MTAP: variants seen among roughly 807,000 people sequenced by gnomAD.
MTAP encodes the protein methylthioadenosine phosphorylase, also known as S-methyl-5'-thioadenosine phosphorylase.
MTAP carries 33 observed loss-of-function variants against 33.6 expected under a neutral mutation model. That is an observed-to-expected ratio of 0.98 (90% CI 0.74 to 1.31). The LOEUF is 1.31. Among genes scored for constraint, MTAP ranks in the 40% most tolerant of loss-of-function variants. MTAP has a pLI of 0.00. For missense variants in MTAP, 367 were observed against 360.0 expected (o/e 1.02, Z -0.16); for synonymous variants, 148 against 125.7 (o/e 1.18, Z -1.19).
rs74604810 is a variant in MTAP, at chr9:21,876,390, A to G, written c.147+21520A>G. ...AAGTTTAATTAGATCACCCTTGTCA[A>G]TTTTTGCTTTTGTTGTGATAGCTTT... On this transcript the variant is annotated intron_variant, in intron 1 of 1. Transcript: ENST00000577563. Among the ~76,000 whole-genome samples, 861 of 152,040 alleles carry G rather than the reference A, an allele frequency of 5.7e-3. 7 individuals carry two copies. Among genetic ancestry groups the G allele is most frequent in the African/African-American group, 0.02 (810 of 41,450 alleles).
chr9:21,908,438 T>G (rs887535300), intron 1 of MTAP, among the ~76,000 whole-genome samples: 1 of 152,156 alleles, frequency 6.6e-6, no homozygotes, highest in Non-Finnish European at 1.5e-5. Context: ...AGGTTTTTTG[T>G]GTTAAATGTG....
At chr9:21,909,610 A>T (rs187043709) in intron 1 of MTAP, among the ~76,000 whole-genome samples, 9 of 152,282 alleles carry the variant, frequency 5.9e-5, no homozygotes, top group Non-Finnish European at 1.2e-4. Flanking sequence ...TACTAAGCTA[A>T]TAAGTAAGCC....
chr9:21,927,063 G>T (rs1040810908), intron 1 of MTAP, among the ~76,000 whole-genome samples: 5 of 152,146 alleles, frequency 3.3e-5, no homozygotes, highest in Non-Finnish European at 7.4e-5. Flanking sequence ...CTGGGAAAAA[G>T]ATCAGAAGCA....
At chr9:21,928,272 G>A (rs1818899868) in intron 1 of MTAP, among the ~76,000 whole-genome samples, 2 of 152,214 alleles carry the variant, frequency 1.3e-5, no homozygotes, top group South Asian at 2.1e-4. Flanking sequence ...GTAAATGGGT[G>A]TTCAGTGGGA....
At chr9:21,925,154 T>G (rs1484491406) in intron 1 of MTAP, among the ~76,000 whole-genome samples, 1 of 152,184 alleles carries the variant, frequency 6.6e-6, no homozygotes, top group East Asian at 1.9e-4. Flanking sequence ...GTAGAAGGAA[T>G]GAAAGCTAGA....
chr9:21,802,818 G>T, intron 1 of MTAP, 37 bp downstream of exon 1: 1 of 1,611,256 alleles, frequency 6.2e-7, no homozygotes, highest in Non-Finnish European at 8.5e-7. Context: ...GGTTCGCCCT[G>T]CCGGATGCCT....
chr9:21,915,585 G>T (rs1170153345), intron 1 of MTAP, among the ~76,000 whole-genome samples: 1 of 151,920 alleles, frequency 6.6e-6, no homozygotes, highest in South Asian at 2.1e-4. Flanking sequence ...GGAATTACTG[G>T]GCTATATGGT....
downstream of MTAP, chr9:21,933,523 G>A (rs1189778310): frequency 6.6e-6 from 1 of 152,052 alleles, no homozygotes; most frequent in Non-Finnish European, 1.5e-5. Context: ...TCTTTGATAT[G>A]CAAATGCCAG....
At chr9:21,804,770 T>C (rs1003461407) in intron 1 of MTAP, among the ~76,000 whole-genome samples, 1 of 152,204 alleles carries the variant, frequency 6.6e-6, no homozygotes, top group Non-Finnish European at 1.5e-5. Context: ...CAAACCCGTT[T>C]TGCGGGTGTA....
At position 21,862,721 on chromosome 9, in the gene MTAP, A is replaced by G. The variant is rs138936486; in HGVS notation, c.*707A>G. On this transcript the variant is annotated 3_prime_UTR_variant, in exon 8 of 8. Transcript: ENST00000644715. The stretch of plus-strand genomic sequence containing the variant: ...ACACGGTTGCTCTATATATGAAGTG[A>G]AAAAAGGATATGGTAGCATTTTATA... 2.7e-3 allele frequency: 432 copies of G among 158,848 alleles called. 3 individuals are homozygous for G. Among genetic ancestry groups the G allele is most frequent in the Non-Finnish European group, 4.0e-3 (298 of 74,122 alleles). The allele number at this position is 158,848 out of a possible 1,614,324, so 9.8% of individuals were successfully genotyped here. A position where few individuals can be genotyped will look rare whatever the true frequency, so the allele number is the denominator to read the frequency against.
intron 1 of MTAP, chr9:21,892,747 G>C (rs1178216962): frequency 6.6e-6 from 1 of 152,082 alleles, no homozygotes; most frequent in Non-Finnish European, 1.5e-5. Flanking sequence ...AGATATTCAG[G>C]ACCTAAACTT....
intron 6 of MTAP, among the ~76,000 whole-genome samples, chr9:21,857,335 G>A (rs912515179): frequency 6.6e-6 from 1 of 152,202 alleles, no homozygotes; most frequent in Non-Finnish European, 1.5e-5. Flanking sequence ...GTGCCTGGCA[G>A]ATACCCAGCC....
chr9:21,815,653 G>A (rs572401888), intron 2 of MTAP, 134 bp downstream of exon 2: 260 of 679,262 alleles, frequency 3.8e-4, no homozygotes, highest in Non-Finnish European at 6.3e-4. Context: ...CCAGCAGAGA[G>A]GGCCAGAAGT....
downstream of MTAP, chr9:21,931,817 C>T (rs1013489265): frequency 4.9e-4 from 75 of 152,164 alleles, no homozygotes; most frequent in African/African-American, 1.8e-3. Context: ...TTAAATTTCA[C>T]TCCTGCTCAA....
intron 1 of MTAP, chr9:21,803,023 C>CACACACAA (rs1418259413): frequency 1.6e-5 from 17 of 1,060,456 alleles, no homozygotes; most frequent in Non-Finnish European, 5.1e-6. Context: ...CACACACACA[C>CACACACAA]ACACACACAC....
At chr9:21,902,696 T>C (rs1485469188) in intron 1 of MTAP, among the ~76,000 whole-genome samples, 1 of 152,248 alleles carries the variant, frequency 6.6e-6, no homozygotes, top group Non-Finnish European at 1.5e-5. Context: ...GGGTTTTTAA[T>C]ACATCCATAT....
At chr9:21,910,573 T>C (rs897374132) in intron 1 of MTAP, among the ~76,000 whole-genome samples, 1 of 152,124 alleles carries the variant, frequency 6.6e-6, no homozygotes, top group Non-Finnish European at 1.5e-5. Flanking sequence ...TGGAAGTAAA[T>C]GATCCCGTGA....
chr9:21,811,902 G>C lies in MTAP; in HGVS notation c.34-3531G>C, dbSNP rs183555274. ...TGAGGGTGGGAAGTCACACACAGCT[G>C]TTTTTATATCTTGGGGGATCCAACC... On this transcript the variant is annotated intron_variant, in intron 1 of 7. Coordinates refer to ENST00000644715, the MANE Select transcript of MTAP (RefSeq NM_002451.4). The C allele has an allele frequency of 1.0e-3, 391 of 372,846 alleles. 2 individuals are homozygous for C. The highest frequency in any genetic ancestry group is 7.5e-3 in the Middle Eastern group (7 of 936). The allele number at this position is 372,846 out of a possible 1,614,324, so 23.1% of individuals were successfully genotyped here.
intron 5 of MTAP, among the ~76,000 whole-genome samples, chr9:21,853,409 A>T (rs908732267): frequency 1.3e-5 from 2 of 152,224 alleles, no homozygotes; most frequent in African/African-American, 4.8e-5. Context: ...GATAAACATG[A>T]TGTAGCATCA....
Sources: gnomAD v4.1 joint callset for allele counts (sites outside exome capture counted in the v4.1 genomes callset) on GRCh38, gnomAD v4.1.1 for gene constraint, MANE v1.5 for transcripts, NCBI Gene and HGNC (gene_info 2026-07-23, HGNC 2026-07-21) for gene names.